DNASE1: variants seen among roughly 807,000 people sequenced by gnomAD.
The protein encoded by DNASE1 is deoxyribonuclease 1.
Under a neutral mutation model 33.9 loss-of-function variants are expected in DNASE1, and 40 were observed. The observed-to-expected ratio is 1.18, with a 90% CI of 0.92 to 1.54. DNASE1 has a LOEUF of 1.54. DNASE1 is among the 40% of genes most tolerant of loss of function. The probability of loss-of-function intolerance (pLI) is 0.00; values close to 1 mark genes in which losing one functional copy is unlikely to be tolerated. For synonymous variants in DNASE1, 216 were observed against 160.0 expected, an observed-to-expected ratio of 1.35 and a Z score of -2.64; for missense variants, 518 against 372.6, an observed-to-expected ratio of 1.39 and a Z score of -3.21.
upstream of DNASE1, among the ~76,000 whole-genome samples, chr16:3,638,421 T>G (rs1399589546): frequency 1.3e-5 from 2 of 152,184 alleles, no homozygotes; most frequent in Admixed American, 6.5e-5. Flanking sequence ...CACTGCAAGC[T>G]CCGCCTCCAG....
At chr16:3,661,854 G>A, downstream of DNASE1, 1 of 1,213,428 alleles carries the variant, frequency 8.2e-7, no homozygotes, top group African/African-American at 1.6e-5. Context: ...ACTGCATACA[G>A]CTCCTTATAG....
At chr16:3,626,621 G>A (rs1375719934) in intron 1 of DNASE1, among the ~76,000 whole-genome samples, 6 of 152,194 alleles carry the variant, frequency 3.9e-5, no homozygotes, top group Admixed American at 6.5e-5. Context: ...TAGGTGGAGT[G>A]TCCTCTAGAT....
chr16:3,635,051 G>A (rs963750477), intron 1 of DNASE1, among the ~76,000 whole-genome samples: 1 of 151,656 alleles, frequency 6.6e-6, no homozygotes, highest in African/African-American at 2.4e-5. Flanking sequence ...CAGAACTCCT[G>A]GACTAAAGCT....
intron 1 of DNASE1, among the ~76,000 whole-genome samples, chr16:3,629,075 G>C (rs573274657): frequency 6.7e-6 from 1 of 150,074 alleles, no homozygotes; most frequent in Admixed American, 6.6e-5. Flanking sequence ...GGGAAGCTGA[G>C]GCAGAAGAAT....
chr16:3,657,821 G>T lies in DNASE1; in HGVS notation c.801+5G>T. 1.2e-6 allele frequency: 2 copies of T among 1,613,888 alleles called. No homozygotes were observed. The highest frequency in any genetic ancestry group is 2.2e-5 in the South Asian group (2 of 91,080). ...TATGGCCTGAGTGACCAACTGGTAT[G>T]TGTCCTCCCTTGCACAGCCACATGA... On this transcript the variant is annotated splice_donor_5th_base_variant and intron_variant, in intron 8 of 8. Coordinates refer to ENST00000246949, the MANE Select transcript of DNASE1 (RefSeq NM_005223.4).
chr16:3,633,750 T>A lies in DNASE1; in HGVS notation c.-1358-6965T>A, dbSNP rs557500929. Among the ~76,000 whole-genome samples, 7 of 152,300 alleles carry A rather than the reference T, an allele frequency of 4.6e-5. No homozygotes were observed. The East Asian group carries it at 1.4e-3, about 29-fold the overall frequency. The stretch of plus-strand genomic sequence containing the variant: ...TAACAGAGTATTCTCAGTTCATCCT[T>A]ACTGTCCCTTATGATATTGCTGTCA... On this transcript the variant is annotated intron_variant and NMD_transcript_variant, in intron 1 of 11. Coordinates refer to the DNASE1 transcript ENST00000570769.
intron 5 of DNASE1, 23 bp downstream of exon 5, chr16:3,656,776 T>G: frequency 6.3e-7 from 1 of 1,585,356 alleles, no homozygotes; most frequent in Non-Finnish European, 8.6e-7. Flanking sequence ...TGGGCCAGGG[T>G]GGGGCTCGGC....
chr16:3,612,549 C>CTT (rs35085629), intron 1 of DNASE1, among the ~76,000 whole-genome samples: 113 of 62,936 alleles, frequency 1.8e-3, no homozygotes, highest in African/African-American at 2.0e-3. Context: ...CCGCTCACGG[C>CTT]TTTTTTTTTT....
chr16:3,657,902 G>A lies in DNASE1; in HGVS notation c.802-4G>A, dbSNP rs1216054536. 6.2e-7 allele frequency: 1 copy of A among 1,613,990 alleles called. No individual in the cohort carries two copies. The highest frequency in any genetic ancestry group is 1.6e-4 in the Middle Eastern group (1 of 6,062). On this transcript the variant is annotated splice_region_variant and splice_polypyrimidine_tract_variant and intron_variant, in intron 8 of 8. Transcript: ENST00000246949. ...GCCCAGACCCTGTGCCCACTTGCCTGCAGGCCCAAGCCATCAGTGACCACT... is the reference window on the plus strand; with the variant it reads ...GCCCAGACCCTGTGCCCACTTGCCTACAGGCCCAAGCCATCAGTGACCACT...
At position 3,656,997 on chromosome 16, in the gene DNASE1, A is replaced by G. The variant is rs780689531; in HGVS notation, c.437-2A>G. 3 of 1,613,278 alleles carry G rather than the reference A, an allele frequency of 1.9e-6. No homozygotes were observed. Among genetic ancestry groups the G allele is most frequent in the East Asian group, 2.2e-5 (1 of 44,884 alleles). On this transcript the variant is annotated splice_acceptor_variant, in intron 5 of 8. Transcript: ENST00000246949. LOFTEE classifies it high-confidence loss of function. ...CCTCACACGACGTGGCTGTCTCCAC[A>G]GAGGTCAGGGAGTTTGCCATTGTTC...
intron 1 of DNASE1, among the ~76,000 whole-genome samples, chr16:3,615,875 G>A (rs1399558836): frequency 6.6e-6 from 1 of 152,144 alleles, no homozygotes; most frequent in Admixed American, 6.5e-5. Context: ...TGAATTGAAG[G>A]GCCCTTATCC....
At chr16:3,628,726 T>C (rs2041602874) in intron 1 of DNASE1, among the ~76,000 whole-genome samples, 1 of 151,046 alleles carries the variant, frequency 6.6e-6, no homozygotes. Context: ...GCCCGGCTAA[T>C]TTTTTTGTAT....
chr16:3,658,776 T>A, downstream of DNASE1: 1 of 1,611,566 alleles, frequency 6.2e-7, no homozygotes. Flanking sequence ...GCAGTCATCC[T>A]AAGCTGCTGC....
intron 1 of DNASE1, among the ~76,000 whole-genome samples, chr16:3,619,966 A>AC: frequency 7.0e-6 from 1 of 142,940 alleles, no homozygotes; most frequent in Non-Finnish European, 1.5e-5. Context: ...CCTAGGCTGG[A>AC]GTGCAGTGGC....
At chr16:3,660,581 G>C (rs916585599), downstream of DNASE1, 2 of 152,210 alleles carry the variant, frequency 1.3e-5, no homozygotes, top group African/African-American at 4.8e-5. Flanking sequence ...TCACTGAGCT[G>C]CTCCAGCAGA....
chr16:3,651,540 C>T (rs1015562619), upstream of DNASE1: 10 of 152,318 alleles, frequency 6.6e-5, no homozygotes, highest in African/African-American at 2.4e-4. Context: ...CCACTCACTC[C>T]CCTGATGTGG....
intron 5 of DNASE1, 47 bp downstream of exon 5, chr16:3,656,800 C>T (rs1596653677): frequency 6.4e-7 from 1 of 1,554,192 alleles, no homozygotes; most frequent in Non-Finnish European, 8.7e-7. Flanking sequence ...GCGCTTATGG[C>T]CTCCACCCCC....
rs146238243 is a variant in DNASE1 at position 3,657,038 on chromosome 16, C to G, written c.476C>G (p.Pro159Arg). 28 of 1,613,452 alleles carry G rather than the reference C, an allele frequency of 1.7e-5. No homozygotes were observed. Among genetic ancestry groups the G allele is most frequent in the African/African-American group, 2.7e-5 (2 of 74,804 alleles). ...GCCATTGTTCCCCTGCATGCGGCCC[C>G]GGGGGACGCAGTAGCCGAGATCGAC... ...EFAIVPLHAA[P>R]GDAVAEIDAL... Residue 159 changes from proline (P) to arginine (R), a missense_variant, in exon 6 of 9, where the codon CCG (proline) becomes CGG (arginine). Physicochemically the swap from Pro to Arg is moderately radical, Grantham distance 103 (BLOSUM62 -2). Coordinates refer to ENST00000246949, the MANE Select transcript of DNASE1 (RefSeq NM_005223.4).
chr16:3,664,411 C>A (rs758542169), exon 10 of DNASE1: 1 of 1,610,606 alleles, frequency 6.2e-7, no homozygotes, highest in Non-Finnish European at 8.5e-7. Flanking sequence ...GTTAGCTGCC[C>A]GGAGGGCAGC....
Sources: gnomAD v4.1 joint callset for allele counts (sites outside exome capture counted in the v4.1 genomes callset) on GRCh38, gnomAD v4.1.1 for gene constraint, MANE v1.5 for transcripts, NCBI Gene and HGNC (gene_info 2026-07-23, HGNC 2026-07-21) for gene names.